Variants in VDAC1 observed in about 807,000 individuals in gnomAD.
The protein encoded by VDAC1 is non-selective voltage-gated ion channel VDAC1.
A neutral mutation model predicts 34.7 loss-of-function variants in VDAC1; 10 were observed. That is an observed-to-expected ratio of 0.29 (90% CI 0.18 to 0.49). The LOEUF (loss-of-function observed/expected upper bound fraction) is 0.49. VDAC1 is among the 20% of genes least tolerant of loss of function. The pLI is 0.99. For missense variants in VDAC1, 230 were observed against 347.9 expected, an observed-to-expected ratio of 0.66 and a Z score of 2.69; for synonymous variants, 130 against 136.0, an observed-to-expected ratio of 0.96 and a Z score of 0.30.
the VDAC1 span, among the ~76,000 whole-genome samples, chr5:134,105,588 G>A: frequency 6.6e-6 from 1 of 152,250 alleles, no homozygotes; most frequent in Non-Finnish European, 1.5e-5. Context: ...GCCAGGACCT[G>A]GCTCTGCCCA....
chr5:134,075,235 A>T, the VDAC1 span, among the ~76,000 whole-genome samples: 1 of 152,202 alleles, frequency 6.6e-6, no homozygotes, highest in African/African-American at 2.4e-5. Context: ...CACTGTTTGC[A>T]CACTATTCAT....
the VDAC1 span, among the ~76,000 whole-genome samples, chr5:134,085,734 A>AAAAAAAAAAAAAAC: frequency 6.8e-6 from 1 of 146,874 alleles, no homozygotes; most frequent in Non-Finnish European, 1.5e-5. Context: ...AAAAAAAAAA[A>AAAAAAAAAAAAAAC]AAAAAAAAAA....
In VDAC1 at chr5:133,973,649, AT is replaced by A. The variant is rs1301762822; in HGVS notation, c.760+141del. On this transcript the variant is annotated intron_variant, in intron 8 of 8. Transcript: ENST00000265333. ...AATGACCCCATACTCCTTTATAAAC[AT>A]TTAATTATACTTTACATATATCCAT... The A allele has an allele frequency of 1.2e-4, 83 of 690,252 alleles. No homozygotes were observed. The African/African-American group carries it at 1.3e-3, about 11-fold the overall frequency. 42.8% of individuals were successfully genotyped at this position (690,252 alleles called of 1,614,324 possible). A position where few individuals can be genotyped will look rare whatever the true frequency, so the allele number is the denominator to read the frequency against.
chr5:134,076,904 G>A, the VDAC1 span, among the ~76,000 whole-genome samples: 20 of 152,276 alleles, frequency 1.3e-4, no homozygotes, highest in South Asian at 1.0e-3. Flanking sequence ...CAGGAGATCC[G>A]GAGGCAGGTC....
chr5:134,039,483 CACGCCCGGCTAATTTT>C, the VDAC1 span, among the ~76,000 whole-genome samples: 270 of 148,974 alleles, frequency 1.8e-3, no homozygotes, highest in African/African-American at 6.3e-3. Flanking sequence ...CTCCTGCCAC[CACGCCCGGCTAATTTT>C]TTGTATTTTT....
chr5:134,003,072 A>C (rs1348297118), intron 1 of VDAC1, among the ~76,000 whole-genome samples: 1 of 148,880 alleles, frequency 6.7e-6, no homozygotes, highest in African/African-American at 2.4e-5. Context: ...ACTATGGGCC[A>C]TGTACTGGAA....
the VDAC1 span, among the ~76,000 whole-genome samples, chr5:134,040,343 G>A: frequency 5.1e-4 from 77 of 152,346 alleles, no homozygotes; most frequent in Non-Finnish European, 7.9e-4. Context: ...TTGGGAAGCC[G>A]AGGTGGGCGG....
At chr5:134,053,467 G>A in the VDAC1 span, among the ~76,000 whole-genome samples, 3 of 152,220 alleles carry the variant, frequency 2.0e-5, no homozygotes, top group Non-Finnish European at 2.9e-5. Flanking sequence ...CCTGTGAGCC[G>A]TGCCAGGGGC....
Position 133,998,824 on chromosome 5 carries a change from C to T in VDAC1, c.-6-5806G>A, listed in dbSNP as rs754831312. 4.6e-5 allele frequency among the ~76,000 whole-genome samples: 7 copies of T among 152,238 alleles called. No homozygotes were observed. The East Asian group carries it at 5.8e-4, about 13-fold the overall frequency. On this transcript the variant is annotated intron_variant, in intron 1 of 8. Transcript: ENST00000265333. ...CAGGGTGCACAAGAATCACCGGAGG[C>T]GCTTGTTCAAGAAGAGCCTGCCAGA...
At chr5:134,013,620 A>G in the VDAC1 span, among the ~76,000 whole-genome samples, 6 of 152,342 alleles carry the variant, frequency 3.9e-5, no homozygotes, top group Admixed American at 3.9e-4. Context: ...AAACAATTCA[A>G]CAAGCAAAAA....
chr5:134,071,313 C>T, the VDAC1 span, among the ~76,000 whole-genome samples: 84 of 152,330 alleles, frequency 5.5e-4, no homozygotes, highest in Admixed American at 2.0e-3. The surrounding 1 kb of genome is among the most constrained non-coding windows in gnomAD (Gnocchi z 4.1). Flanking sequence ...CTTCAAAGCG[C>T]CGCGTGTAGG....
chr5:134,090,275 A>C, the VDAC1 span, among the ~76,000 whole-genome samples: 1 of 152,172 alleles, frequency 6.6e-6, no homozygotes, highest in African/African-American at 2.4e-5. Flanking sequence ...AGACCCACTG[A>C]TGTTCTGCCC....
intron 1 of VDAC1, among the ~76,000 whole-genome samples, chr5:133,997,555 A>T (rs866121082): frequency 2.0e-5 from 3 of 151,194 alleles, no homozygotes; most frequent in African/African-American, 4.9e-5. Context: ...AAAAAAATAA[A>T]AAAAAAAAAT....
At chr5:134,048,895 A>G in the VDAC1 span, among the ~76,000 whole-genome samples, 24 of 152,322 alleles carry the variant, frequency 1.6e-4, no homozygotes, top group African/African-American at 5.8e-4. Context: ...ATGGTACCTC[A>G]GTAAATATTT....
At chr5:134,024,076 G>A in the VDAC1 span, among the ~76,000 whole-genome samples, 1 of 151,970 alleles carries the variant, frequency 6.6e-6, no homozygotes, top group East Asian at 1.9e-4. Flanking sequence ...CCAGGAGGCA[G>A]AGGTTGCAGT....
the VDAC1 span, among the ~76,000 whole-genome samples, chr5:134,072,801 C>T: frequency 6.6e-6 from 1 of 152,154 alleles, no homozygotes; most frequent in Admixed American, 6.5e-5. Context: ...CTCCTGCAGT[C>T]CAGCTGGGAA....
rs1752616751 is a variant in VDAC1 at position 133,979,631 on chromosome 5, T to C, written c.551+1098A>G. Among the ~76,000 whole-genome samples, 3 of 152,126 alleles carry C rather than the reference T, an allele frequency of 2.0e-5. No homozygotes were observed. The South Asian group carries it at 6.2e-4, about 32-fold the overall frequency. Reference sequence around the variant, plus strand: ...TTTTAGTAGAGATGGGGTTTCACCTTCTTGACCAGGCTGGTCTTGAACTTC... The same window carrying C: ...TTTTAGTAGAGATGGGGTTTCACCTCCTTGACCAGGCTGGTCTTGAACTTC... On this transcript the variant is annotated intron_variant, in intron 6 of 8. Transcript: ENST00000265333.
intron 1 of VDAC1, among the ~76,000 whole-genome samples, chr5:133,999,919 A>G (rs1161082448): frequency 1.3e-5 from 2 of 151,980 alleles, no homozygotes; most frequent in Non-Finnish European, 2.9e-5. Context: ...CACCAACACC[A>G]TTCTAGGTGG....
rs1049718153 is a variant in VDAC1 at position 133,993,030 on chromosome 5, G to C, written c.-6-12C>G. ...ACAGCCATCTTCTGCTATGATAAAA[G>C]AATCACCAGAATAAATGCATTGATA... is the stretch of plus-strand genomic sequence containing the variant. On this transcript the variant is annotated splice_polypyrimidine_tract_variant and intron_variant, in intron 1 of 8. Transcript: ENST00000265333. The C allele has an allele frequency of 1.1e-5, 18 of 1,603,854 alleles. No individual in the cohort carries two copies. The highest frequency in any genetic ancestry group is 1.7e-5 in the Admixed American group (1 of 58,122).
Sources: gnomAD v4.1 joint callset for allele counts (sites outside exome capture counted in the v4.1 genomes callset) on GRCh38, gnomAD v4.1.1 for gene constraint, Gnocchi (gnomAD v3.1) non-coding constraint, MANE v1.5 for transcripts, NCBI Gene and HGNC (gene_info 2026-07-23, HGNC 2026-07-21) for gene names.